The following PPP2R2C variants were observed in gnomAD, a reference collection of about 807,000 sequenced individuals.
PPP2R2C encodes protein phosphatase 2, regulatory subunit B, gamma.
PPP2R2C carries 10 observed loss-of-function variants against 45.3 expected under a neutral mutation model. That is an observed-to-expected ratio of 0.22 (90% CI 0.14 to 0.37). PPP2R2C has a LOEUF of 0.37. Ranked by LOEUF, PPP2R2C falls within the 10% of genes least tolerant of loss-of-function variation. PPP2R2C has a pLI of 1.00. For missense variants in PPP2R2C, 308 were observed against 619.7 expected, an observed-to-expected ratio of 0.50 and a Z score of 5.34; for synonymous variants, 257 against 245.4, an observed-to-expected ratio of 1.05 and a Z score of -0.44.
intron 2 of PPP2R2C, among the ~76,000 whole-genome samples, chr4:6,532,133 C>T (rs532340344): frequency 1.3e-5 from 2 of 152,350 alleles, no homozygotes; most frequent in South Asian, 4.1e-4. Flanking sequence ...CAGGTTCCCT[C>T]CAATAACACC....
chr4:6,388,837 A>T (rs1294882283), intron 1 of PPP2R2C, among the ~76,000 whole-genome samples: 1 of 150,786 alleles, frequency 6.6e-6, no homozygotes, highest in Non-Finnish European at 1.5e-5. Flanking sequence ...CTGTGAGAGA[A>T]CAAATTTCGG....
intron 5 of PPP2R2C, among the ~76,000 whole-genome samples, chr4:6,354,997 C>T (rs1379837626): frequency 6.6e-6 from 1 of 152,194 alleles, no homozygotes; most frequent in Admixed American, 6.5e-5. Flanking sequence ...CTGTAAATCT[C>T]CTCTGCCCCT....
chr4:6,358,152 A>T (rs2109257363), intron 5 of PPP2R2C, among the ~76,000 whole-genome samples: 1 of 152,270 alleles, frequency 6.6e-6, no homozygotes, highest in African/African-American at 2.4e-5. Context: ...AGACCAATGG[A>T]ACAGAACAGA....
At chr4:6,440,571 G>C (rs1266149040) in intron 1 of PPP2R2C, among the ~76,000 whole-genome samples, 2 of 152,196 alleles carry the variant, frequency 1.3e-5, no homozygotes, top group African/African-American at 4.8e-5. Context: ...ACGCCAGCAG[G>C]CTGGTCTCTG....
At chr4:6,350,236 C>A in intron 5 of PPP2R2C, 1 of 985,472 alleles carries the variant, frequency 1.0e-6, no homozygotes, top group Non-Finnish European at 1.2e-6. Flanking sequence ...CCAGCGTCCA[C>A]CTGGCAGCCC....
At position 6,554,975 on chromosome 4, in the gene PPP2R2C, A is replaced by AG. The variant is rs1491085730; in HGVS notation, c.-59+8584_-59+8585insC. On this transcript the variant is annotated intron_variant, in intron 1 of 9. Coordinates refer to the PPP2R2C transcript ENST00000506140. ...AGAAAGAAAGAAAGAAAGAGAAAGA[A>AG]AGAAAAGAGAAGAGAAGAGAAGAGA... is the stretch of plus-strand genomic sequence containing the variant. Among the ~76,000 whole-genome samples the AG allele has an allele frequency of 0.015, 2,142 of 142,136 alleles. 99 individuals are homozygous for AG. The East Asian group carries it at 0.17, about 11-fold the overall frequency. The allele number at this position is 142,136 out of a possible 152,430, so 93.2% of individuals were successfully genotyped here. A position where few individuals can be genotyped will look rare whatever the true frequency, so the allele number is the denominator to read the frequency against.
chr4:6,447,300 A>G lies in PPP2R2C; in HGVS notation c.70+24860T>C, dbSNP rs554585427. ...CACCCTTCCGTGGGGACACGCTGCC[A>G]CCTCAGCCAACTCCCATTATACAAG... is the stretch of plus-strand genomic sequence containing the variant. On this transcript the variant is annotated intron_variant, in intron 1 of 8. Coordinates refer to ENST00000382599, the MANE Select transcript of PPP2R2C (RefSeq NM_020416.4). 2.0e-5 allele frequency among the ~76,000 whole-genome samples: 3 copies of G among 152,142 alleles called. No homozygotes were observed. The East Asian group carries it at 5.8e-4, about 29-fold the overall frequency.
chr4:6,348,775 G>T (rs747269568), intron 5 of PPP2R2C: 65 of 880,612 alleles, frequency 7.4e-5, no homozygotes, highest in Non-Finnish European at 8.2e-5. Context: ...AGTGGAAAGA[G>T]TGCAGAGAAA....
At chr4:6,545,873 C>T (rs187396766) in intron 1 of PPP2R2C, among the ~76,000 whole-genome samples, 1 of 152,288 alleles carries the variant, frequency 6.6e-6, no homozygotes, top group Admixed American at 6.5e-5. Flanking sequence ...CGCTGACCAA[C>T]ATCTACTGTT....
At chr4:6,417,021 C>T (rs1000478133) in intron 1 of PPP2R2C, among the ~76,000 whole-genome samples, 1 of 152,248 alleles carries the variant, frequency 6.6e-6, no homozygotes, top group Non-Finnish European at 1.5e-5. Context: ...CCACACCTGC[C>T]TGCTGGGGTC....
chr4:6,488,554 T>C (rs1262535601), intron 2 of PPP2R2C, among the ~76,000 whole-genome samples: 1 of 152,056 alleles, frequency 6.6e-6, no homozygotes, highest in East Asian at 1.9e-4. Context: ...CATGGTGGCA[T>C]GTGCATGTAG....
upstream of PPP2R2C, among the ~76,000 whole-genome samples, chr4:6,477,322 C>T (rs1420902953): frequency 1.3e-5 from 2 of 152,150 alleles, no homozygotes. Context: ...AACCAGTTTA[C>T]CAAAGAGGTA....
At chr4:6,383,547 G>C (rs910436943) in intron 1 of PPP2R2C, 2 of 741,792 alleles carry the variant, frequency 2.7e-6, no homozygotes, top group Admixed American at 5.6e-5. Flanking sequence ...CTGGGTACCA[G>C]CATGGCTCCT....
intron 1 of PPP2R2C, among the ~76,000 whole-genome samples, chr4:6,400,925 G>A (rs1717375476): frequency 6.6e-6 from 1 of 152,212 alleles, no homozygotes; most frequent in Non-Finnish European, 1.5e-5. Flanking sequence ...TGAGCTGGGA[G>A]TTGAGGAACA....
intron 2 of PPP2R2C, among the ~76,000 whole-genome samples, chr4:6,534,177 C>T (rs372934979): frequency 2.3e-3 from 344 of 149,734 alleles, no homozygotes; most frequent in Middle Eastern, 0.018. Flanking sequence ...CACACATCAA[C>T]ACACACATCA....
intron 1 of PPP2R2C, among the ~76,000 whole-genome samples, chr4:6,410,365 C>G (rs1200286409): frequency 6.6e-6 from 1 of 152,158 alleles, no homozygotes; most frequent in East Asian, 1.9e-4. Context: ...ACAAAGGGGA[C>G]TCTCGACCCC....
intron 1 of PPP2R2C, among the ~76,000 whole-genome samples, chr4:6,413,171 G>A (rs550426561): frequency 3.3e-5 from 5 of 149,898 alleles, no homozygotes; most frequent in African/African-American, 7.4e-5. Context: ...GAAATCACAC[G>A]CTCTCACACT....
chr4:6,433,709 C>G (rs1314585478), intron 1 of PPP2R2C, among the ~76,000 whole-genome samples: 1 of 152,160 alleles, frequency 6.6e-6, no homozygotes, highest in African/African-American at 2.4e-5. Flanking sequence ...AGGTTCTGTC[C>G]TCATTCTTTC....
At chr4:6,528,129 T>C (rs981931809) in intron 2 of PPP2R2C, among the ~76,000 whole-genome samples, 7 of 152,216 alleles carry the variant, frequency 4.6e-5, no homozygotes, top group Non-Finnish European at 1.0e-4. Context: ...AACTGGCCCG[T>C]GTTTTCAGGC....
Sources: allele counts gnomAD v4.1 joint callset (sites outside exome capture counted in the v4.1 genomes callset), GRCh38; gene constraint gnomAD v4.1.1; transcripts MANE v1.5; gene names NCBI Gene and HGNC (gene_info 2026-07-23, HGNC 2026-07-21).